The following NEBL variants were observed in gnomAD, a reference collection of about 807,000 sequenced individuals.
NEBL encodes the protein LIM and SH3 protein 2.
A neutral mutation model predicts 140.2 loss-of-function variants in NEBL; 122 were observed. The observed-to-expected ratio is 0.87, with a 90% confidence interval of 0.75 to 1.01. The LOEUF (loss-of-function observed/expected upper bound fraction) is 1.01, where lower values mean the gene tolerates loss of function less well. NEBL is among the 50% of genes least tolerant of loss of function. The pLI is 0.00. For synonymous variants in NEBL, 436 were observed against 398.9 expected (o/e 1.09, Z -1.11); for missense variants, 1,365 against 1,231.3 (o/e 1.11, Z -1.62).
chr10:20,969,837 G>A (rs1836493514), intron 3 of NEBL, among the ~76,000 whole-genome samples: 1 of 151,936 alleles, frequency 6.6e-6, no homozygotes, highest in African/African-American at 2.4e-5. Context: ...GAGCCACCGT[G>A]CCTGGCCCCA....
At chr10:21,268,642 G>A (rs1842826841) in intron 1 of NEBL, among the ~76,000 whole-genome samples, 1 of 151,354 alleles carries the variant, frequency 6.6e-6, no homozygotes, top group Non-Finnish European at 1.5e-5. Context: ...TCCTGCCTCA[G>A]CCTCCCAAGT....
At chr10:20,963,586 G>T (rs1379820244) in intron 3 of NEBL, among the ~76,000 whole-genome samples, 4 of 152,088 alleles carry the variant, frequency 2.6e-5, no homozygotes, top group Admixed American at 6.6e-5. Context: ...GTAGTGATGG[G>T]TTCTCACTAT....
intron 2 of NEBL, among the ~76,000 whole-genome samples, chr10:21,060,671 C>G (rs1434366603): frequency 2.0e-5 from 3 of 151,918 alleles, no homozygotes; most frequent in African/African-American, 4.8e-5. Flanking sequence ...GTATGCAAAA[C>G]TCTTCAAAAA....
In NEBL at chr10:20,976,734, G is replaced by A. The variant is rs375316862; in HGVS notation, c.250-14955C>T. Among the ~76,000 whole-genome samples the A allele has an allele frequency of 9.8e-4, 149 of 152,050 alleles. 1 individual carries two copies. Among genetic ancestry groups the A allele is most frequent in the African/African-American group, 3.5e-3 (146 of 41,494 alleles). On this transcript the variant is annotated intron_variant, in intron 3 of 6. Coordinates refer to the NEBL transcript ENST00000417816. ...AGCTAAACATTGAGAACACCTGGAC[G>A]CAAAGATGGGAACAATAGACACTGG...
chr10:21,119,356 T>G (rs1203293789), intron 2 of NEBL, among the ~76,000 whole-genome samples: 6 of 151,862 alleles, frequency 4.0e-5, no homozygotes, highest in Admixed American at 3.3e-4. Flanking sequence ...ACCAACATTT[T>G]GGCATATTTG....
chr10:21,011,024 G>A (rs1434103290), intron 3 of NEBL, among the ~76,000 whole-genome samples: 1 of 152,050 alleles, frequency 6.6e-6, no homozygotes, highest in Non-Finnish European at 1.5e-5. Flanking sequence ...TTGCTATTTT[G>A]GCAGAAAAGA....
At chr10:21,125,826 CA>C (rs1221326925) in intron 2 of NEBL, 30 of 1,606,608 alleles carry the variant, frequency 1.9e-5, no homozygotes, top group Admixed American at 3.3e-5. Context: ...CAGACATTTA[CA>C]AAAAAGTCAT....
intron 26 of NEBL, among the ~76,000 whole-genome samples, chr10:20,797,564 A>G (rs142253096): frequency 1.3e-5 from 2 of 152,308 alleles, no homozygotes; most frequent in East Asian, 3.9e-4. Context: ...TGATCTCAAG[A>G]TACAGAAATA....
At chr10:20,964,465 G>A (rs1836195923) in intron 3 of NEBL, among the ~76,000 whole-genome samples, 1 of 152,116 alleles carries the variant, frequency 6.6e-6, no homozygotes, top group South Asian at 2.1e-4. Flanking sequence ...AGGTGAAGGG[G>A]AGCCAGCGTG....
chr10:20,780,457 G>A lies in NEBL; in HGVS notation c.*5290C>T, dbSNP rs1289172545. 6.6e-6 allele frequency: 1 copy of A among 152,164 alleles called. No individual in the cohort carries two copies. The highest frequency in any genetic ancestry group is 1.5e-5 in the Non-Finnish European group (1 of 68,040). The allele number at this position is 152,164 out of a possible 1,614,324, so 9.4% of individuals were successfully genotyped here. A position where few individuals can be genotyped will look rare whatever the true frequency, so the allele number is the denominator to read the frequency against. On this transcript the variant is annotated 3_prime_UTR_variant, in exon 28 of 28. Transcript: ENST00000377122. ...CACTTACAACTAAGTTTATTTGGGGGAGGAAAATATCTTGACTGATTCACC... is the reference window on the plus strand; with the variant it reads ...CACTTACAACTAAGTTTATTTGGGGAAGGAAAATATCTTGACTGATTCACC...
intron 1 of NEBL, among the ~76,000 whole-genome samples, chr10:21,281,214 A>G (rs1842987957): frequency 6.6e-6 from 1 of 152,170 alleles, no homozygotes; most frequent in African/African-American, 2.4e-5. Context: ...CCTTTTATGA[A>G]TAATCAGTTT....
chr10:20,848,655 C>A (rs559616374), intron 11 of NEBL, among the ~76,000 whole-genome samples: 17 of 152,098 alleles, frequency 1.1e-4, no homozygotes, highest in Non-Finnish European at 2.5e-4. Context: ...GCTGTGCACT[C>A]CTTATGAGAA....
intron 3 of NEBL, among the ~76,000 whole-genome samples, chr10:21,005,505 T>C (rs1360937754): frequency 6.6e-6 from 1 of 152,022 alleles, no homozygotes; most frequent in Non-Finnish European, 1.5e-5. Context: ...AAGGTCAAGA[T>C]GGGGGGATCG....
chr10:21,131,459 T>C (rs1439551162), intron 2 of NEBL, among the ~76,000 whole-genome samples: 1 of 152,028 alleles, frequency 6.6e-6, no homozygotes, highest in African/African-American at 2.4e-5. Context: ...CACAGCTGAG[T>C]CTCAGTGGGC....
chr10:21,128,205 C>T (rs1307242800), intron 2 of NEBL, among the ~76,000 whole-genome samples: 1 of 152,160 alleles, frequency 6.6e-6, no homozygotes, highest in African/African-American at 2.4e-5. Flanking sequence ...CACTTGTTTT[C>T]TCTCTTCCCT....
At chr10:20,865,027 C>T (rs1844127667) in intron 7 of NEBL, among the ~76,000 whole-genome samples, 1 of 152,140 alleles carries the variant, frequency 6.6e-6, no homozygotes, top group African/African-American at 2.4e-5. Flanking sequence ...AATCTGCTTT[C>T]AAGTCCAAGT....
intron 7 of NEBL, chr10:20,867,989 C>T (rs1212618021): frequency 6.7e-6 from 1 of 149,380 alleles, no homozygotes; most frequent in Non-Finnish European, 1.5e-5. Context: ...CATTTTCATA[C>T]TTTTAAAGGC....
intron 3 of NEBL, among the ~76,000 whole-genome samples, chr10:20,973,676 T>G (rs947796250): frequency 6.6e-6 from 1 of 152,258 alleles, no homozygotes; most frequent in Non-Finnish European, 1.5e-5. Flanking sequence ...AGGTGCCATT[T>G]TTTAATTTAA....
At chr10:21,092,626 T>TAAC (rs1334149605) in intron 2 of NEBL, among the ~76,000 whole-genome samples, 1 of 137,066 alleles carries the variant, frequency 7.3e-6, no homozygotes, top group Non-Finnish European at 1.6e-5. Context: ...ATAATAATAA[T>TAAC]AATGGCTCAC....
Sources: allele counts gnomAD v4.1 joint callset (sites outside exome capture counted in the v4.1 genomes callset), GRCh38; gene constraint gnomAD v4.1.1; transcripts MANE v1.5; gene names NCBI Gene and HGNC (gene_info 2026-07-23, HGNC 2026-07-21).